Variants in CUX2 observed in about 807,000 individuals in gnomAD.
CUX2 encodes homeobox protein cut-like 2.
In CUX2, 40 loss-of-function variants were observed where a neutral mutation model predicts 144.8. The ratio of observed to expected loss-of-function variants is 0.28; its 90% CI spans 0.21 to 0.36. The LOEUF (loss-of-function observed/expected upper bound fraction) is 0.36. Ranked by LOEUF, CUX2 falls within the 10% of genes least tolerant of loss-of-function variation. The pLI is 1.00. For synonymous variants in CUX2, 827 were observed against 875.6 expected, an observed-to-expected ratio of 0.94 and a Z score of 0.98; for missense variants, 1,615 against 1,994.0, an observed-to-expected ratio of 0.81 and a Z score of 3.62.
chr12:111,320,434 T>G lies in CUX2; in HGVS notation c.2425T>G (p.Ser809Ala). The change falls in exon 17 of 22, where the codon TCC becomes GCC. Residue 809 changes from serine (S) to alanine (A), a missense_variant. Around this residue, in one of 12 missense-constraint regions of CUX2, gnomAD observed 390 missense variants for 387.1 expected, o/e 1.01. Transcript: ENST00000261726. This position sits in a 1 kb window ranked among gnomAD's most constrained non-coding sequence, Gnocchi z 8.1. Reference sequence around the variant, plus strand: ...CGCCTCCGTGTCGCCCTCGCTGTCCTCCTCCTCCTCCTCTGGCTACTCTGG... The same window carrying G: ...CGCCTCCGTGTCGCCCTCGCTGTCCGCCTCCTCCTCCTCTGGCTACTCTGG... ...PYASVSPSLSSSSSSGYSGQP... is the reference protein window; with the variant it reads ...PYASVSPSLSASSSSGYSGQP... The G allele has an allele frequency of 1.9e-6, 3 of 1,596,014 alleles. 1 individual carries two copies. In the South Asian group the frequency reaches 3.3e-5, roughly 18 times the overall value.
At chr12:111,189,544 C>T (rs924360574) in intron 1 of CUX2, among the ~76,000 whole-genome samples, 8 of 152,158 alleles carry the variant, frequency 5.3e-5, no homozygotes, top group Admixed American at 6.5e-5. Context: ...GTGGCCACAC[C>T]GTAGTATTCC....
At chr12:111,254,349 A>G (rs7301774) in intron 3 of CUX2, among the ~76,000 whole-genome samples, 10,273 of 152,238 alleles carry the variant, frequency 0.067, 1,178 homozygotes, top group African/African-American at 0.23. Flanking sequence ...GGTGCTCAGT[A>G]TGCACCATCT....
At chr12:111,336,333 T>G (rs191505385) in intron 19 of CUX2, among the ~76,000 whole-genome samples, 19 of 152,256 alleles carry the variant, frequency 1.2e-4, no homozygotes, top group Non-Finnish European at 2.6e-4. Flanking sequence ...ACATATTCAT[T>G]GTTTTAAGGT....
intron 19 of CUX2, among the ~76,000 whole-genome samples, chr12:111,335,722 T>TA (rs1209626535): frequency 1.3e-5 from 2 of 151,228 alleles, no homozygotes; most frequent in Non-Finnish European, 1.5e-5. Context: ...AAATAAAAAA[T>TA]AAAAAAGCTT....
intron 1 of CUX2, among the ~76,000 whole-genome samples, chr12:111,206,855 A>G (rs954584840): frequency 6.6e-6 from 1 of 152,188 alleles, no homozygotes; most frequent in Non-Finnish European, 1.5e-5. Context: ...GTAGACATAT[A>G]ATTGGATGAA....
chr12:111,140,049 ATG>A (rs1876198871), intron 1 of CUX2, among the ~76,000 whole-genome samples: 1 of 152,102 alleles, frequency 6.6e-6, no homozygotes, highest in Non-Finnish European at 1.5e-5. Context: ...TACAGTGTAA[ATG>A]TCAGTATTTG....
In CUX2 at chr12:111,143,629, T is replaced by C. The variant is rs556976989; in HGVS notation, c.64-70571T>C. On this transcript the variant is annotated intron_variant, in intron 1 of 21. Transcript: ENST00000261726. Reference sequence around the variant, plus strand: ...AAACCCAAAATAGGGAGAGAAAGGATGATACAGTGTTATGCTCACTTAAAG... The same window carrying C: ...AAACCCAAAATAGGGAGAGAAAGGACGATACAGTGTTATGCTCACTTAAAG... Among the ~76,000 whole-genome samples the C allele has an allele frequency of 1.3e-4, 20 of 152,370 alleles. No homozygotes were observed. In the South Asian group the frequency reaches 4.1e-3, roughly 32 times the overall value.
At chr12:111,054,153 CAAAACAAAAACA>C (rs546941954) in intron 1 of CUX2, among the ~76,000 whole-genome samples, 2 of 152,134 alleles carry the variant, frequency 1.3e-5, no homozygotes, top group African/African-American at 4.8e-5. Context: ...GACTCCATCT[CAAAACAAAAACA>C]AAAACAAAAA....
intron 20 of CUX2, 27 bp from the exon 21 acceptor site, chr12:111,341,753 C>T (rs1162424497): frequency 6.4e-7 from 1 of 1,551,314 alleles, no homozygotes. Flanking sequence ...CACCACCTCT[C>T]AGCCCTCCCT....
At chr12:111,143,732 T>C (rs1692726291) in intron 1 of CUX2, among the ~76,000 whole-genome samples, 1 of 151,928 alleles carries the variant, frequency 6.6e-6, no homozygotes, top group Admixed American at 6.5e-5. Context: ...TCCATCAATG[T>C]GCGTCCCTGT....
In CUX2 at chr12:111,077,615, A is replaced by G. The variant is rs1871612375; in HGVS notation, c.63+43375A>G. ...CCTATTCTGTTGATTAGATTTTGAA[A>G]TGGATCAATTTTTAATCAGCCAAAC... On this transcript the variant is annotated intron_variant, in intron 1 of 21. Coordinates refer to ENST00000261726, the MANE Select transcript of CUX2 (RefSeq NM_015267.4). The surrounding 1 kb of genome is among the most constrained non-coding windows in gnomAD (Gnocchi z 4.1). 6.6e-6 allele frequency among the ~76,000 whole-genome samples: 1 copy of G among 152,240 alleles called. No homozygotes were observed. Among genetic ancestry groups the G allele is most frequent in the African/African-American group, 2.4e-5 (1 of 41,458 alleles).
chr12:111,066,058 T>C (rs1871006918), intron 1 of CUX2, among the ~76,000 whole-genome samples: 2 of 152,230 alleles, frequency 1.3e-5, no homozygotes, highest in Non-Finnish European at 2.9e-5. Context: ...CTTCTTCCAG[T>C]GTTAGTGGAT....
intron 1 of CUX2, among the ~76,000 whole-genome samples, chr12:111,141,301 C>A (rs1476649962): frequency 6.6e-6 from 1 of 151,972 alleles, no homozygotes; most frequent in African/African-American, 2.4e-5. Flanking sequence ...TCAAAGGAGA[C>A]AAATCTTTGG....
chr12:111,171,908 ACT>A lies in CUX2; in HGVS notation c.64-42287_64-42286del, dbSNP rs1254196936. 2.6e-5 allele frequency among the ~76,000 whole-genome samples: 4 copies of A among 151,666 alleles called. No homozygotes were observed. The highest frequency in any genetic ancestry group is 5.9e-5 in the Non-Finnish European group (4 of 67,992). ...TTCCCAATGGGCAGGCAGCATATGC[ACT>A]CTCTGTGTGTGCGTGTGCCTGTGCC... On this transcript the variant is annotated intron_variant, in intron 1 of 21. Transcript: ENST00000261726. The surrounding 1 kb of genome is among the most constrained non-coding windows in gnomAD (Gnocchi z 5.0).
intron 1 of CUX2, among the ~76,000 whole-genome samples, chr12:111,151,144 C>T (rs922465616): frequency 6.6e-6 from 1 of 152,126 alleles, no homozygotes; most frequent in Non-Finnish European, 1.5e-5. Context: ...GCCTGAGAGC[C>T]GTGGTTTTAA....
chr12:111,247,641 G>A (rs1320193115), intron 3 of CUX2, among the ~76,000 whole-genome samples: 1 of 152,164 alleles, frequency 6.6e-6, no homozygotes, highest in Non-Finnish European at 1.5e-5. Flanking sequence ...TGTAGACCCT[G>A]GACAGCCCCA....
intron 4 of CUX2, among the ~76,000 whole-genome samples, chr12:111,267,031 A>G (rs12311509): frequency 5.3e-5 from 8 of 152,078 alleles, no homozygotes; most frequent in Non-Finnish European, 1.0e-4. Flanking sequence ...CCCTGTCTCT[A>G]CAAAAAAAAT....
In CUX2 at chr12:111,308,483, G is replaced by A. The variant is rs370694033; in HGVS notation, c.1215G>A (p.Thr405=). 2.9e-5 allele frequency: 47 copies of A among 1,613,860 alleles called. No individual in the cohort carries two copies. The African/African-American group carries it at 4.3e-4, about 15-fold the overall frequency. The change falls in exon 14 of 22, where the codon ACG becomes ACA. Residue 405 remains threonine, a synonymous_variant. Coordinates refer to ENST00000261726, the MANE Select transcript of CUX2 (RefSeq NM_015267.4). Reference sequence around the variant, plus strand: ...TTGCAAAGGAGGCCTTCTTCCCCACGCAGAAATTCCTTCTGGAGAAGCCCA... The same window carrying A: ...TTGCAAAGGAGGCCTTCTTCCCCACACAGAAATTCCTTCTGGAGAAGCCCA... ...LLIAKEAFFP[T]QKFLLEKPSL... is the part of the protein sequence containing the mutation.
chr12:111,171,267 G>T lies in CUX2; in HGVS notation c.64-42933G>T, dbSNP rs536584527. ...ACACACACCTTGACCTTGTTGGCAA[G>T]CCCGATCTGCAGGTCATCAGTTTGC... On this transcript the variant is annotated intron_variant, in intron 1 of 21. Transcript: ENST00000261726. This position sits in a 1 kb window ranked among gnomAD's most constrained non-coding sequence, Gnocchi z 5.0. Among the ~76,000 whole-genome samples, 1 of 152,282 alleles carries T rather than the reference G, an allele frequency of 6.6e-6. No homozygotes were observed. The highest frequency in any genetic ancestry group is 2.1e-4 in the South Asian group (1 of 4,832).
Sources: gnomAD v4.1 joint callset for allele counts (sites outside exome capture counted in the v4.1 genomes callset) on GRCh38, gnomAD v4.1.1 for gene constraint, gnomAD v4.1.1 regional missense constraint, Gnocchi (gnomAD v3.1) non-coding constraint, MANE v1.5 for transcripts, NCBI Gene and HGNC (gene_info 2026-07-23, HGNC 2026-07-21) for gene names.